Variants in SLC5A4 observed in about 807,000 individuals in gnomAD.
SLC5A4 encodes solute carrier family 5 member 4.
In SLC5A4, 55 loss-of-function variants were observed where a neutral mutation model predicts 70.3. That is an observed-to-expected ratio of 0.78 (90% CI 0.63 to 0.98). SLC5A4 has a LOEUF of 0.98. Among genes scored for constraint, SLC5A4 ranks in the 50% least tolerant of loss-of-function variants. The pLI is 0.00. For synonymous variants in SLC5A4, 268 were observed against 305.7 expected (o/e 0.88, Z 1.29); for missense variants, 735 against 839.2 (o/e 0.88, Z 1.53).
the SLC5A4 span, among the ~76,000 whole-genome samples, chr22:32,336,687 C>T: frequency 0.15 from 22,095 of 151,874 alleles, 2,261 homozygotes; most frequent in African/African-American, 0.29. Context: ...AGGTCTAGTT[C>T]ATTCTAGAAG....
At chr22:32,252,888 C>T (rs2145705279) in intron 2 of SLC5A4, among the ~76,000 whole-genome samples, 1 of 152,270 alleles carries the variant, frequency 6.6e-6, no homozygotes, top group South Asian at 2.1e-4. Context: ...AGATGAGCAC[C>T]AGTCCTAGCA....
chr22:32,338,799 A>G, the SLC5A4 span, among the ~76,000 whole-genome samples: 5 of 152,164 alleles, frequency 3.3e-5, no homozygotes, highest in Non-Finnish European at 7.4e-5. Flanking sequence ...CGAGACCCAT[A>G]AAACTGTCAC....
the SLC5A4 span, chr22:32,269,883 G>A: frequency 1.7e-6 from 1 of 579,868 alleles, no homozygotes; most frequent in African/African-American, 1.8e-5. The surrounding 1 kb of genome is among the most constrained non-coding windows in gnomAD (Gnocchi z 4.1). Flanking sequence ...TAGCGTCCGA[G>A]TGTTCCACTT....
rs77540626 is a variant in SLC5A4 at position 32,223,392 on chromosome 22, C to T, written c.1665+875G>A. Among the ~76,000 whole-genome samples, 1,245 of 152,262 alleles carry T rather than the reference C, an allele frequency of 8.2e-3. 19 individuals are homozygous for T. The highest frequency in any genetic ancestry group is 0.029 in the African/African-American group (1,189 of 41,552). On this transcript the variant is annotated intron_variant, in intron 13 of 14. Coordinates refer to ENST00000266086, the MANE Select transcript of SLC5A4 (RefSeq NM_014227.3). ...GCTTTACTATAAATTACAAAATCTA[C>T]GCACTCTCCAACAGTTTTGGACTGT...
chr22:32,311,786 C>T, the SLC5A4 span, among the ~76,000 whole-genome samples: 849 of 152,242 alleles, frequency 5.6e-3, 8 homozygotes, highest in African/African-American at 0.019. Flanking sequence ...TCAGCGCTCT[C>T]GGCGGTGATG....
chr22:32,311,964 T>C, the SLC5A4 span, among the ~76,000 whole-genome samples: 2 of 152,088 alleles, frequency 1.3e-5, no homozygotes, highest in South Asian at 4.2e-4. Context: ...CCTGGCCATG[T>C]GGCGCCTGGG....
chr22:32,253,886 T>G (rs1156356194), intron 2 of SLC5A4, among the ~76,000 whole-genome samples: 1 of 152,092 alleles, frequency 6.6e-6, no homozygotes, highest in African/African-American at 2.4e-5. Context: ...GTTCAAGTGA[T>G]TATCCTGCCT....
the SLC5A4 span, among the ~76,000 whole-genome samples, chr22:32,351,396 C>T: frequency 5.3e-5 from 8 of 151,426 alleles, no homozygotes; most frequent in South Asian, 2.2e-4. Flanking sequence ...AATAACGGAC[C>T]GATCATTTTT....
chr22:32,238,880 C>A (rs1395342534), intron 6 of SLC5A4, 105 bp downstream of exon 6: 1 of 770,522 alleles, frequency 1.3e-6, no homozygotes, highest in Non-Finnish European at 2.3e-6. Context: ...TGAAATGGTG[C>A]CTTTACCTCG....
chr22:32,319,586 T>C, the SLC5A4 span, among the ~76,000 whole-genome samples: 1 of 152,132 alleles, frequency 6.6e-6, no homozygotes, highest in East Asian at 1.9e-4. Context: ...ACAGTGTGTG[T>C]CTTCATATGT....
chr22:32,266,265 T>TCATAACC, the SLC5A4 span, among the ~76,000 whole-genome samples: 1 of 152,170 alleles, frequency 6.6e-6, no homozygotes, highest in Non-Finnish European at 1.5e-5. Context: ...GGGGCCCGTG[T>TCATAACC]CTTTTGGTGG....
chr22:32,277,574 G>A, the SLC5A4 span, among the ~76,000 whole-genome samples: 2 of 152,014 alleles, frequency 1.3e-5, no homozygotes, highest in African/African-American at 2.4e-5. Context: ...TTGAGATGGA[G>A]TCTCTCTCTG....
the SLC5A4 span, among the ~76,000 whole-genome samples, chr22:32,302,058 C>T: frequency 6.6e-6 from 1 of 152,158 alleles, no homozygotes; most frequent in Non-Finnish European, 1.5e-5. Flanking sequence ...GGTAATTCTT[C>T]ATGACTTTGG....
At chr22:32,242,016 T>A (rs772226998) in intron 5 of SLC5A4, among the ~76,000 whole-genome samples, 2 of 152,066 alleles carry the variant, frequency 1.3e-5, no homozygotes, top group Non-Finnish European at 2.9e-5. Context: ...TAGTGTGAAC[T>A]CATGATTTCT....
chr22:32,315,532 G>T, the SLC5A4 span, among the ~76,000 whole-genome samples: 3 of 151,980 alleles, frequency 2.0e-5, no homozygotes, highest in Admixed American at 2.0e-4. Context: ...GAAAATAAGC[G>T]CTGTCTAGAG....
the SLC5A4 span, among the ~76,000 whole-genome samples, chr22:32,330,637 T>G: frequency 1.0e-5 from 1 of 96,802 alleles, no homozygotes; most frequent in African/African-American, 4.2e-5. Context: ...GTGTGTGTGT[T>G]GGGGGCTCTG....
At chr22:32,233,993 G>C (rs920071508) in intron 8 of SLC5A4, among the ~76,000 whole-genome samples, 2 of 152,126 alleles carry the variant, frequency 1.3e-5, no homozygotes, top group Non-Finnish European at 2.9e-5. Flanking sequence ...ACAGCTATTG[G>C]GAGGATGGGG....
the SLC5A4 span, among the ~76,000 whole-genome samples, chr22:32,320,940 G>A: frequency 0.044 from 6,720 of 152,236 alleles, 211 homozygotes; most frequent in African/African-American, 0.091. Flanking sequence ...TGGTCTTCAG[G>A]GGCAACCCGT....
rs373289806 is a variant in SLC5A4 at position 32,229,233 on chromosome 22, C to T, written c.1241G>A (p.Arg414Gln). Residue 414 changes from arginine (R) to glutamine (Q), a missense_variant, in exon 11 of 15, where the codon CGG becomes CAG. Physicochemically the swap from Arg to Gln is conservative, Grantham distance 43. Transcript: ENST00000266086. ...GAGCTCTTTCTCCGACGCTTGCTTC[C>T]GCATCTTGGTGTAGAGGTCAATGGT... ...LFTIDLYTKM[R>Q]KQASEKELLI... is the part of the protein sequence containing the mutation. The T allele has an allele frequency of 9.9e-6, 16 of 1,613,914 alleles. No individual in the cohort carries two copies. In the East Asian group the frequency reaches 1.6e-4, roughly 16 times the overall value.
Sources: gnomAD v4.1 joint callset for allele counts (sites outside exome capture counted in the v4.1 genomes callset) on GRCh38, gnomAD v4.1.1 for gene constraint, Gnocchi (gnomAD v3.1) non-coding constraint, MANE v1.5 for transcripts, NCBI Gene and HGNC (gene_info 2026-07-23, HGNC 2026-07-21) for gene names.